NLRP9: variants seen among roughly 807,000 people sequenced by gnomAD.
The protein encoded by NLRP9 is NLR family pyrin domain containing 9, also known as NACHT, LRR and PYD domains-containing protein 9.
In NLRP9, 88 loss-of-function variants were observed where a neutral mutation model predicts 83.1. The observed-to-expected ratio is 1.06, with a 90% CI of 0.89 to 1.26. The LOEUF (loss-of-function observed/expected upper bound fraction) is 1.26, where lower values mean the gene tolerates loss of function less well. NLRP9 is among the 50% of genes most tolerant of loss of function. NLRP9 has a pLI of 0.00. For missense variants in NLRP9, 1,308 were observed against 1,179.3 expected, an observed-to-expected ratio of 1.11 and a Z score of -1.60; for synonymous variants, 521 against 447.6, an observed-to-expected ratio of 1.16 and a Z score of -2.07.
intron 1 of NLRP9, among the ~76,000 whole-genome samples, chr19:55,736,075 GGTTT>G (rs1988777157): frequency 6.6e-6 from 1 of 151,586 alleles, no homozygotes; most frequent in Non-Finnish European, 1.5e-5. Context: ...TGACCTCCAA[GGTTT>G]TTTTTTGAGA....
chr19:55,709,257 G>T (rs1028429042), intron 8 of NLRP9: 1 of 337,470 alleles, frequency 3.0e-6, no homozygotes, highest in African/African-American at 2.1e-5. Flanking sequence ...TATACAGGAT[G>T]TATCAATTAA....
chr19:55,731,323 G>A (rs1252037076), intron 2 of NLRP9, among the ~76,000 whole-genome samples: 3 of 151,218 alleles, frequency 2.0e-5, no homozygotes, highest in Non-Finnish European at 4.4e-5. Flanking sequence ...AGCTATGGAG[G>A]GGGAAAAGAA....
intron 1 of NLRP9, among the ~76,000 whole-genome samples, chr19:55,735,432 T>A (rs1359725948): frequency 1.3e-5 from 2 of 151,934 alleles, no homozygotes; most frequent in Non-Finnish European, 2.9e-5. Flanking sequence ...TATTAAAAAA[T>A]TAAATTAAAA....
chr19:55,728,277 GT>G (rs1168994475), intron 3 of NLRP9, among the ~76,000 whole-genome samples: 2 of 152,128 alleles, frequency 1.3e-5, no homozygotes, highest in African/African-American at 4.8e-5. Context: ...CAAAGTCCAA[GT>G]TTCAAGACAT....
Position 55,709,133 on chromosome 19 carries a change from CTCTTT to C in NLRP9, c.2844-94_2844-90del, listed in dbSNP as rs1987591673. 3 of 861,308 alleles carry C rather than the reference CTCTTT, an allele frequency of 3.5e-6. No homozygotes were observed. In the African/African-American group the frequency reaches 5.3e-5, roughly 15 times the overall value. The allele number at this position is 861,308 out of a possible 1,614,324, so 53.4% of individuals were successfully genotyped here. A position where few individuals can be genotyped will look rare whatever the true frequency, so the allele number is the denominator to read the frequency against. On this transcript the variant is annotated intron_variant, in intron 8 of 8. Transcript: ENST00000332836. ...CATTCTGATGTCTACCTCTCCTCTC[CTCTTT>C]ATTCTTTCCTAGAAATCACTGGGAG...
intron 4 of NLRP9, among the ~76,000 whole-genome samples, chr19:55,721,838 C>T (rs950158543): frequency 3.3e-5 from 5 of 152,216 alleles, no homozygotes; most frequent in African/African-American, 1.2e-4. Context: ...CCTGCACAAG[C>T]TCTTTTCTCT....
intron 4 of NLRP9, among the ~76,000 whole-genome samples, chr19:55,721,898 G>A (rs1245675045): frequency 6.6e-6 from 1 of 151,884 alleles, no homozygotes; most frequent in African/African-American, 2.4e-5. Flanking sequence ...ATGATTGTGA[G>A]GCCTCCCAAG....
intron 3 of NLRP9, among the ~76,000 whole-genome samples, 165 bp from the exon 4 acceptor site, chr19:55,724,309 C>T (rs61624557): frequency 0.031 from 4,711 of 152,120 alleles, 237 homozygotes; most frequent in African/African-American, 0.11. Context: ...GGTTTTTAGA[C>T]ACCAGACAGC....
chr19:55,712,764 C>T (rs551822783), intron 6 of NLRP9, among the ~76,000 whole-genome samples, 174 bp from the exon 7 acceptor site: 7 of 50,824 alleles, frequency 1.4e-4, no homozygotes, highest in Admixed American at 6.1e-4. Flanking sequence ...GAGCAGAGGA[C>T]GGGAGGGTGG....
intron 6 of NLRP9, among the ~76,000 whole-genome samples, chr19:55,714,432 C>T (rs1227729696): frequency 6.6e-6 from 1 of 152,124 alleles, no homozygotes; most frequent in African/African-American, 2.4e-5. Context: ...GGTGAGTCAC[C>T]TGCACAAGCT....
intron 3 of NLRP9, among the ~76,000 whole-genome samples, chr19:55,727,458 C>T (rs1320707265): frequency 6.6e-6 from 1 of 152,154 alleles, no homozygotes; most frequent in Non-Finnish European, 1.5e-5. Flanking sequence ...TGCTTTGAGA[C>T]TGAATTTATA....
intron 8 of NLRP9, 82 bp downstream of exon 8, chr19:55,711,718 A>C (rs1987734366): frequency 7.3e-7 from 1 of 1,372,536 alleles, no homozygotes; most frequent in Admixed American, 1.8e-5. Flanking sequence ...CCTGGCATCC[A>C]TCATGTCGCG....
At chr19:55,731,212 A>G (rs1988558568) in intron 2 of NLRP9, among the ~76,000 whole-genome samples, 1 of 152,152 alleles carries the variant, frequency 6.6e-6, no homozygotes, top group Non-Finnish European at 1.5e-5. Context: ...ATACAAGGCA[A>G]AATCAGCAGA....
At chr19:55,718,828 T>A (rs1245655380) in intron 4 of NLRP9, among the ~76,000 whole-genome samples, 3 of 152,162 alleles carry the variant, frequency 2.0e-5, no homozygotes, top group African/African-American at 7.2e-5. Flanking sequence ...CTTTTCTGAG[T>A]CTCTCATCTC....
chr19:55,728,217 A>G (rs1988456868), intron 3 of NLRP9, among the ~76,000 whole-genome samples: 1 of 152,178 alleles, frequency 6.6e-6, no homozygotes. Context: ...TGCCGGTAGA[A>G]TTTACGAACA....
intron 1 of NLRP9, among the ~76,000 whole-genome samples, chr19:55,733,978 A>G (rs112234033): frequency 0.032 from 4,271 of 134,296 alleles, 164 homozygotes; most frequent in African/African-American, 0.1. Context: ...GCTGGAGTGC[A>G]GTGGCGGGAT....
chr19:55,719,671 A>G (rs1170259282), intron 4 of NLRP9, among the ~76,000 whole-genome samples: 2 of 152,182 alleles, frequency 1.3e-5, no homozygotes, highest in Non-Finnish European at 2.9e-5. Flanking sequence ...TGAAACTATG[A>G]TGGGGATCTC....
chr19:55,715,358 T>C (rs1465015547), intron 5 of NLRP9, 133 bp from the exon 6 acceptor site: 1 of 741,508 alleles, frequency 1.3e-6, no homozygotes, highest in African/African-American at 1.8e-5. Flanking sequence ...AGGCAAAACC[T>C]TTCCAGATGT....
intron 1 of NLRP9, among the ~76,000 whole-genome samples, chr19:55,735,755 G>T (rs1489509430): frequency 6.6e-6 from 1 of 151,886 alleles, no homozygotes; most frequent in Non-Finnish European, 1.5e-5. Context: ...TGGTGTGATT[G>T]TGGCTCACTG....
Sources: gnomAD v4.1 joint callset for allele counts (sites outside exome capture counted in the v4.1 genomes callset) on GRCh38, gnomAD v4.1.1 for gene constraint, MANE v1.5 for transcripts, NCBI Gene and HGNC (gene_info 2026-07-23, HGNC 2026-07-21) for gene names.